The following PLCE1 variants were observed in gnomAD, a reference collection of about 807,000 sequenced individuals.
The protein encoded by PLCE1 is phospholipase C epsilon 1, also known as 1-phosphatidylinositol 4,5-bisphosphate phosphodiesterase epsilon-1.
A neutral mutation model predicts 242.8 loss-of-function variants in PLCE1; 119 were observed. The observed-to-expected ratio is 0.49, with a 90% CI of 0.42 to 0.57. The LOEUF is 0.57. Ranked by LOEUF, PLCE1 falls within the 20% of genes least tolerant of loss-of-function variation. The pLI is 0.00. For synonymous variants in PLCE1, 945 were observed against 1,017.4 expected, an observed-to-expected ratio of 0.93 and a Z score of 1.35; for missense variants, 2,441 against 2,788.8, an observed-to-expected ratio of 0.88 and a Z score of 2.81.
intron 1 of PLCE1, among the ~76,000 whole-genome samples, chr10:94,001,358 T>A (rs776967657): frequency 9.9e-5 from 15 of 152,192 alleles, no homozygotes; most frequent in Non-Finnish European, 2.2e-4. Flanking sequence ...AGGTCTCCTT[T>A]AGAGGGGCTG....
At chr10:94,071,510 T>TTTTTTTTTTTC in intron 2 of PLCE1, among the ~76,000 whole-genome samples, 1 of 139,728 alleles carries the variant, frequency 7.2e-6, no homozygotes, top group Non-Finnish European at 1.5e-5. Flanking sequence ...TTTTTTTTTT[T>TTTTTTTTTTTC]TTTTTTGAGT....
At chr10:94,253,054 G>C (rs2050936913) in intron 9 of PLCE1, among the ~76,000 whole-genome samples, 1 of 152,166 alleles carries the variant, frequency 6.6e-6, no homozygotes, top group South Asian at 2.1e-4. Flanking sequence ...ACAATGTAAA[G>C]TATATTAGCA....
intron 5 of PLCE1, among the ~76,000 whole-genome samples, chr10:94,231,859 C>A (rs1010386405): frequency 6.6e-6 from 1 of 152,200 alleles, no homozygotes; most frequent in African/African-American, 2.4e-5. Context: ...GCAGGCAGAG[C>A]TCAAGCTGTA....
chr10:94,092,562 A>G (rs866051386), intron 2 of PLCE1, among the ~76,000 whole-genome samples: 8 of 150,578 alleles, frequency 5.3e-5, no homozygotes, highest in South Asian at 2.1e-4. Context: ...CCAGTAAAAA[A>G]GTTCACATAA....
At chr10:94,133,862 G>A (rs1218018595) in intron 3 of PLCE1, among the ~76,000 whole-genome samples, 6 of 152,080 alleles carry the variant, frequency 3.9e-5, no homozygotes, top group Non-Finnish European at 8.8e-5. Context: ...GGAATTTATA[G>A]TCTCTAGGTG....
intron 3 of PLCE1, among the ~76,000 whole-genome samples, chr10:94,157,692 T>C (rs1291313769): frequency 6.6e-6 from 1 of 152,216 alleles, no homozygotes; most frequent in Non-Finnish European, 1.5e-5. Context: ...TTTTCTGATG[T>C]GTAAAGTGTG....
At chr10:94,003,604 T>C (rs201151583) in intron 1 of PLCE1, among the ~76,000 whole-genome samples, 4 of 2,696 alleles carry the variant, frequency 1.5e-3, no homozygotes, top group Non-Finnish European at 2.1e-3. Context: ...GAATTAAAAT[T>C]ATTTGCTGCT....
At chr10:94,271,979 G>A (rs1363534579) in intron 18 of PLCE1, among the ~76,000 whole-genome samples, 1 of 152,166 alleles carries the variant, frequency 6.6e-6, no homozygotes, top group East Asian at 1.9e-4. Context: ...AAAAGGCAGA[G>A]CAAGGATCAC....
intron 1 of PLCE1, among the ~76,000 whole-genome samples, chr10:94,010,109 ATC>A (rs1225223795): frequency 6.6e-6 from 1 of 152,174 alleles, no homozygotes; most frequent in Non-Finnish European, 1.5e-5. Context: ...ATCCTCTGAA[ATC>A]TAGGGGGAAG....
At chr10:94,079,549 G>A (rs941869266) in intron 2 of PLCE1, among the ~76,000 whole-genome samples, 9 of 152,096 alleles carry the variant, frequency 5.9e-5, no homozygotes, top group African/African-American at 1.9e-4. Context: ...GTATACCTAT[G>A]TAACAAAACT....
chr10:94,173,352 C>T (rs2048039525), intron 4 of PLCE1, among the ~76,000 whole-genome samples: 1 of 152,116 alleles, frequency 6.6e-6, no homozygotes, highest in South Asian at 2.1e-4. Context: ...AATGTCACTG[C>T]CCCAAAGTTG....
At chr10:94,174,311 C>T (rs1220610692) in intron 4 of PLCE1, among the ~76,000 whole-genome samples, 1 of 152,008 alleles carries the variant, frequency 6.6e-6, no homozygotes, top group East Asian at 1.9e-4. Flanking sequence ...ACAGCACTTA[C>T]TTATAGAAAA....
chr10:94,138,284 C>T (rs12251182), intron 3 of PLCE1: 5,466 of 341,130 alleles, frequency 0.016, 244 homozygotes, highest in African/African-American at 0.1. Context: ...GCGTATTGAC[C>T]TTCCATGCCA....
chr10:94,163,062 A>T (rs1355590234), intron 3 of PLCE1, among the ~76,000 whole-genome samples: 2 of 151,922 alleles, frequency 1.3e-5, no homozygotes, highest in African/African-American at 2.4e-5. Flanking sequence ...TGCTGAGGAG[A>T]GCTTTACTTC....
chr10:94,255,589 C>T (rs1236304295), intron 11 of PLCE1, among the ~76,000 whole-genome samples: 1 of 152,188 alleles, frequency 6.6e-6, no homozygotes, highest in African/African-American at 2.4e-5. Flanking sequence ...ATATTTAATA[C>T]TTTTCTCATA....
chr10:94,174,649 A>G (rs2048075488), intron 4 of PLCE1, among the ~76,000 whole-genome samples: 1 of 152,180 alleles, frequency 6.6e-6, no homozygotes, highest in Non-Finnish European at 1.5e-5. Context: ...TCATCTCTAT[A>G]GTGTTCTTGC....
chr10:94,233,047 A>C (rs1013859791), intron 5 of PLCE1, among the ~76,000 whole-genome samples: 1 of 152,190 alleles, frequency 6.6e-6, no homozygotes, highest in African/African-American at 2.4e-5. Flanking sequence ...TTCCCAAGCT[A>C]TCTGCTCAGA....
intron 2 of PLCE1, among the ~76,000 whole-genome samples, chr10:94,111,447 C>T (rs1163262447): frequency 1.3e-5 from 2 of 152,186 alleles, no homozygotes; most frequent in Non-Finnish European, 2.9e-5. Context: ...GTGGAGCCTG[C>T]ACCAGAGAAC....
chr10:94,286,801 A>G (rs113491504), intron 22 of PLCE1: 1 of 152,192 alleles, frequency 6.6e-6, no homozygotes, highest in Non-Finnish European at 1.5e-5. Flanking sequence ...ATTATTTGCA[A>G]CTGGCAAAAC....
Sources: allele counts gnomAD v4.1 joint callset (sites outside exome capture counted in the v4.1 genomes callset), GRCh38; gene constraint gnomAD v4.1.1; transcripts MANE v1.5; gene names NCBI Gene and HGNC (gene_info 2026-07-23, HGNC 2026-07-21).